Variants in RAP1B observed in about 807,000 individuals in gnomAD.
The protein encoded by RAP1B is RAP1B, member of RAS oncogene family.
RAP1B carries 1 observed loss-of-function variant against 27.5 expected under a neutral mutation model. That is an observed-to-expected ratio of 0.04 (90% CI 0.01 to 0.17). The LOEUF (loss-of-function observed/expected upper bound fraction) is 0.17, where lower values mean the gene tolerates loss of function less well. RAP1B is among the 10% of genes least tolerant of loss of function. The pLI, the probability that RAP1B is intolerant of heterozygous loss-of-function variation, is 1.00. For synonymous variants in RAP1B, 75 were observed against 73.1 expected (o/e 1.03, Z -0.13); for missense variants, 84 against 214.8 (o/e 0.39, Z 3.81).
intron 1 of RAP1B, among the ~76,000 whole-genome samples, chr12:68,616,834 G>A (rs1565655400): frequency 6.6e-6 from 1 of 151,870 alleles, no homozygotes; most frequent in Non-Finnish European, 1.5e-5. Flanking sequence ...CCAAGTGCTG[G>A]GATTATAGGC....
intron 1 of RAP1B, among the ~76,000 whole-genome samples, chr12:68,648,349 C>G (rs940887612): frequency 6.6e-6 from 1 of 152,186 alleles, no homozygotes; most frequent in Non-Finnish European, 1.5e-5. Context: ...TATTTAGGCT[C>G]TGTTGTAACT....
At chr12:68,620,199 TTTTA>T (rs1565656901) in intron 1 of RAP1B, among the ~76,000 whole-genome samples, 1 of 151,308 alleles carries the variant, frequency 6.6e-6, no homozygotes, top group East Asian at 1.9e-4. Flanking sequence ...TTTTTTATTT[TTTTA>T]TTTTTTTTTA....
intron 1 of RAP1B, among the ~76,000 whole-genome samples, chr12:68,618,620 A>G (rs1871184840): frequency 6.6e-6 from 1 of 152,124 alleles, no homozygotes; most frequent in South Asian, 2.1e-4. Context: ...CTTTGTAGTG[A>G]CATTTGTACC....
At chr12:68,611,375 C>G (rs111862654) in intron 1 of RAP1B, among the ~76,000 whole-genome samples, 3 of 143,710 alleles carry the variant, frequency 2.1e-5, no homozygotes, top group Admixed American at 2.0e-4. Context: ...CTCTTCAGCC[C>G]GCGTCCGCCG....
At position 68,669,925 on chromosome 12, in the gene RAP1B, C is replaced by CT. The variant is rs967478669; in HGVS notation, c.*10681dup. The CT allele has an allele frequency of 8.0e-6, 1 of 124,786 alleles. No homozygotes were observed. Among genetic ancestry groups the CT allele is most frequent in the Non-Finnish European group, 1.7e-5 (1 of 60,386 alleles). The allele number at this position is 124,786 out of a possible 1,614,324, so 7.7% of individuals were successfully genotyped here. A position where few individuals can be genotyped will look rare whatever the true frequency, so the allele number is the denominator to read the frequency against. The stretch of plus-strand genomic sequence containing the variant: ...GTTTATACGTGACAAAAATATATTT[C>CT]TTTTTCTTTCTTTTTTTTTTTTTTT... On this transcript the variant is annotated 3_prime_UTR_variant, in exon 8 of 8. Transcript: ENST00000250559.
At chr12:68,616,395 C>T (rs1332388889) in intron 1 of RAP1B, among the ~76,000 whole-genome samples, 2 of 150,998 alleles carry the variant, frequency 1.3e-5, no homozygotes, top group Non-Finnish European at 2.9e-5. Context: ...AGCAGTCCTC[C>T]AGTCTAAGCC....
chr12:68,623,459 T>G (rs187637466), intron 1 of RAP1B, among the ~76,000 whole-genome samples: 2 of 152,362 alleles, frequency 1.3e-5, no homozygotes, highest in East Asian at 3.9e-4. Context: ...CCATAATCCC[T>G]TATCTATATA....
chr12:68,611,683 G>C (rs924663825), intron 1 of RAP1B, among the ~76,000 whole-genome samples: 2 of 152,138 alleles, frequency 1.3e-5, no homozygotes, highest in African/African-American at 4.8e-5. Context: ...GGAAGGCAGC[G>C]GAGAGAGCCC....
intron 1 of RAP1B, among the ~76,000 whole-genome samples, chr12:68,636,601 A>C (rs1034528657): frequency 6.6e-6 from 1 of 151,532 alleles, no homozygotes; most frequent in Non-Finnish European, 1.5e-5. Context: ...CTACTTTATA[A>C]ATTTTTTGTA....
At chr12:68,653,765 G>A (rs1294557878) in intron 4 of RAP1B, among the ~76,000 whole-genome samples, 3 of 151,742 alleles carry the variant, frequency 2.0e-5, no homozygotes, top group African/African-American at 4.8e-5. Flanking sequence ...CGTCTCTACC[G>A]AAATACAAGA....
intron 7 of RAP1B, chr12:68,657,440 T>C (rs748938800): frequency 6.8e-6 from 2 of 294,656 alleles, no homozygotes; most frequent in Non-Finnish European, 1.3e-5. Flanking sequence ...AGTTTCACTC[T>C]GTCACCCAGG....
At position 68,622,809 on chromosome 12, in the gene RAP1B, G is replaced by A. The variant is rs4913293; in HGVS notation, c.-27+11766G>A. ...TATTTTAGTTAGAAAAATACATAAAGTATGTAACGGTTTGTCCATATCAAT... is the reference window on the plus strand; with the variant it reads ...TATTTTAGTTAGAAAAATACATAAAATATGTAACGGTTTGTCCATATCAAT... On this transcript the variant is annotated intron_variant, in intron 1 of 7. Transcript: ENST00000250559. 1.5e-3 allele frequency among the ~76,000 whole-genome samples: 234 copies of A among 152,264 alleles called. 1 individual carries two copies. Among genetic ancestry groups the A allele is most frequent in the Admixed American group, 7.1e-3 (109 of 15,284 alleles).
At chr12:68,651,825 T>C (rs1159196318) in intron 3 of RAP1B, 170 bp from the exon 4 acceptor site, 3 of 552,002 alleles carry the variant, frequency 5.4e-6, no homozygotes, top group Non-Finnish European at 6.6e-6. Flanking sequence ...CTTTGAATCT[T>C]GATTACTTAG....
rs573625915 is a variant in RAP1B, at chr12:68,659,364, G to A, written c.*115G>A. 2.2e-5 allele frequency: 10 copies of A among 445,750 alleles called. No individual in the cohort carries two copies. The Admixed American group carries it at 2.5e-4, about 11-fold the overall frequency. 27.6% of individuals were successfully genotyped at this position (445,750 alleles called of 1,614,324 possible). A position where few individuals can be genotyped will look rare whatever the true frequency, so the allele number is the denominator to read the frequency against. On this transcript the variant is annotated 3_prime_UTR_variant, in exon 8 of 8. Transcript: ENST00000250559. Reference sequence around the variant, plus strand: ...AACATCTTAAATGGACTTTCCTGTGGTGGTACCCTTTAAGAGGCGGATGAA... The same window carrying A: ...AACATCTTAAATGGACTTTCCTGTGATGGTACCCTTTAAGAGGCGGATGAA...
intron 1 of RAP1B, among the ~76,000 whole-genome samples, chr12:68,635,196 A>G (rs373086072): frequency 5.8e-4 from 88 of 152,312 alleles, no homozygotes; most frequent in African/African-American, 2.0e-3. Flanking sequence ...AAAAGAGGGT[A>G]GGAGAGGCAG....
chr12:68,659,545 G>A lies in RAP1B; in HGVS notation c.*296G>A. ...TTCTTCATCCACCAATGTTGTACAT[G>A]TATGAAAATGGTGTACTGTATACTT... On this transcript the variant is annotated 3_prime_UTR_variant, in exon 8 of 8. Transcript: ENST00000250559. 1 of 303,280 alleles carries A rather than the reference G, an allele frequency of 3.3e-6. No homozygotes were observed. Among genetic ancestry groups the A allele is most frequent in the South Asian group, 2.9e-5 (1 of 34,924 alleles). The allele number at this position is 303,280 out of a possible 1,614,324, so 18.8% of individuals were successfully genotyped here.
At chr12:68,626,510 C>T (rs1362651867) in intron 1 of RAP1B, among the ~76,000 whole-genome samples, 1 of 152,190 alleles carries the variant, frequency 6.6e-6, no homozygotes, top group Non-Finnish European at 1.5e-5. Context: ...CCCCCAGTCT[C>T]AGTCATCCCT....
At chr12:68,633,645 C>T (rs1398315724) in intron 1 of RAP1B, among the ~76,000 whole-genome samples, 5 of 152,018 alleles carry the variant, frequency 3.3e-5, no homozygotes, top group African/African-American at 4.8e-5. Flanking sequence ...CCGAGGCAGG[C>T]GGCTCTTGAG....
chr12:68,639,843 AT>A (rs749778636), intron 1 of RAP1B, among the ~76,000 whole-genome samples: 676 of 141,230 alleles, frequency 4.8e-3, no homozygotes, highest in Middle Eastern at 7.2e-3. Flanking sequence ...CCCACCAAAG[AT>A]TTTTTTTTTT....
Sources: gnomAD v4.1 joint callset for allele counts (sites outside exome capture counted in the v4.1 genomes callset) on GRCh38, gnomAD v4.1.1 for gene constraint, MANE v1.5 for transcripts, NCBI Gene and HGNC (gene_info 2026-07-23, HGNC 2026-07-21) for gene names.